TEX11: variants seen among roughly 807,000 people sequenced by gnomAD.
TEX11 encodes the protein testis-expressed protein 11.
A neutral mutation model predicts 84.4 loss-of-function variants in TEX11; 7 were observed. The observed-to-expected ratio is 0.08, with a 90% CI of 0.05 to 0.16. The LOEUF is 0.16. Ranked by LOEUF, TEX11 falls within the 10% of genes least tolerant of loss-of-function variation. The pLI is 1.00. For synonymous variants in TEX11, 264 were observed against 222.8 expected (o/e 1.18, Z -1.64); for missense variants, 551 against 660.5 (o/e 0.83, Z 1.82).
rs200458009 is a variant in TEX11 at position 70,778,623 on chromosome X, TTTTG to T, written c.692+28078_692+28081del. Among the ~76,000 whole-genome samples the T allele has an allele frequency of 4.2e-3, 465 of 109,850 alleles. 2 individuals carry two copies. Among genetic ancestry groups the T allele is most frequent in the African/African-American group, 0.013 (388 of 29,773 alleles). ...ATGCAGGCTACCACACCAGGCTATGTTTTGTTTGTTTGTTTGTTTGTTTTTGTTT... is the reference window on the plus strand; with the variant it reads ...ATGCAGGCTACCACACCAGGCTATGTTTTGTTTGTTTGTTTGTTTTTGTTT... On this transcript the variant is annotated intron_variant, in intron 9 of 29. Coordinates refer to ENST00000374333, the MANE Select transcript of TEX11 (RefSeq NM_031276.3).
chrX:70,711,903 T>C (rs2090438663), intron 13 of TEX11, among the ~76,000 whole-genome samples: 2 of 111,900 alleles, frequency 1.8e-5, no homozygotes, highest in Non-Finnish European at 3.8e-5. Flanking sequence ...GGTTTTCTTC[T>C]AGGGTTTTTA....
chrX:70,750,779 G>A lies in TEX11; in HGVS notation c.693-6560C>T, dbSNP rs1198031961. ...CACTCTGGGCACTGCTGTGGGGTGG[G>A]GGTAGGGGGGAGGGATAGCATTGGG... On this transcript the variant is annotated intron_variant, in intron 9 of 29. Coordinates refer to ENST00000374333, the MANE Select transcript of TEX11 (RefSeq NM_031276.3). Among the ~76,000 whole-genome samples, 3 of 101,616 alleles carry A rather than the reference G, an allele frequency of 3.0e-5. No individual in the cohort carries two copies. The East Asian group carries it at 9.5e-4, about 32-fold the overall frequency. The allele number at this position is 101,616 out of a possible 115,157, so 88.2% of individuals were successfully genotyped here.
chrX:70,843,977 A>T (rs1362591283), intron 7 of TEX11, among the ~76,000 whole-genome samples: 2 of 111,091 alleles, frequency 1.8e-5, no homozygotes, highest in Non-Finnish European at 3.8e-5. Flanking sequence ...GCTGGAGAGG[A>T]TGTGGAGAAA....
At chrX:70,757,056 A>T (rs2090872234) in intron 9 of TEX11, among the ~76,000 whole-genome samples, 1 of 112,224 alleles carries the variant, frequency 8.9e-6, no homozygotes, top group Admixed American at 9.5e-5. Flanking sequence ...AAAGTGAGAA[A>T]ACAAAGTTAG....
intron 8 of TEX11, among the ~76,000 whole-genome samples, chrX:70,829,662 C>A (rs1425539399): frequency 9.2e-6 from 1 of 108,689 alleles, no homozygotes; most frequent in Non-Finnish European, 1.9e-5. Context: ...TAAAGAAAAA[C>A]AAAAAAAGTT....
intron 17 of TEX11, among the ~76,000 whole-genome samples, chrX:70,644,935 A>G (rs2062323177): frequency 1.8e-5 from 2 of 110,040 alleles, no homozygotes; most frequent in South Asian, 3.9e-4. Flanking sequence ...AAAAAATTAA[A>G]AAAAGATAAA....
chrX:70,549,034 C>A (rs2088177433), intron 28 of TEX11, among the ~76,000 whole-genome samples: 1 of 111,291 alleles, frequency 9.0e-6, no homozygotes, highest in Non-Finnish European at 1.9e-5. Flanking sequence ...GAGAGGGAAG[C>A]TTAAGGGGGA....
chrX:70,608,041 A>T (rs1333192209), intron 22 of TEX11, among the ~76,000 whole-genome samples: 2 of 112,208 alleles, frequency 1.8e-5, no homozygotes, highest in African/African-American at 3.2e-5. Flanking sequence ...TTAATTGCTC[A>T]TGCTTACTTA....
intron 13 of TEX11, 43 bp from the exon 14 acceptor site, chrX:70,682,868 C>A: frequency 8.6e-7 from 1 of 1,168,895 alleles, no homozygotes; most frequent in Non-Finnish European, 1.2e-6. Context: ...AACAGAAAAA[C>A]TGGTTATTGA....
intron 21 of TEX11, among the ~76,000 whole-genome samples, chrX:70,609,527 G>C (rs147256344): frequency 1.7e-3 from 195 of 111,997 alleles, no homozygotes; most frequent in African/African-American, 4.6e-3. Context: ...AAATTAGAAG[G>C]GTATCAATAT....
intron 13 of TEX11, among the ~76,000 whole-genome samples, chrX:70,703,617 TC>T (rs2147686273): frequency 8.9e-6 from 1 of 111,752 alleles, no homozygotes; most frequent in East Asian, 2.8e-4. Flanking sequence ...GGTTGGATTT[TC>T]CCATTTGTCC....
At chrX:70,730,172 A>C (rs1274030646) in intron 11 of TEX11, among the ~76,000 whole-genome samples, 1 of 112,058 alleles carries the variant, frequency 8.9e-6, no homozygotes. Context: ...TAAACATGGA[A>C]AGGAACAACC....
intron 16 of TEX11, among the ~76,000 whole-genome samples, chrX:70,655,084 T>C (rs2089850778): frequency 9.1e-6 from 1 of 110,384 alleles, no homozygotes; most frequent in Admixed American, 9.9e-5. Flanking sequence ...ACTAATTTTG[T>C]ATGTATAAGT....
chrX:70,543,138 C>T (rs971385923), intron 28 of TEX11, among the ~76,000 whole-genome samples: 9 of 110,190 alleles, frequency 8.2e-5, no homozygotes, highest in Non-Finnish European at 1.3e-4. Flanking sequence ...GCCGAGATCG[C>T]GCCACTGCAC....
intron 8 of TEX11, among the ~76,000 whole-genome samples, chrX:70,826,862 G>A (rs11796113): frequency 9.0e-6 from 1 of 110,991 alleles, no homozygotes; most frequent in Non-Finnish European, 1.9e-5. Context: ...GCAATTCCTA[G>A]GCAACTCCTA....
chrX:70,771,482 A>G (rs2090971673), intron 9 of TEX11, among the ~76,000 whole-genome samples: 1 of 111,711 alleles, frequency 9.0e-6, no homozygotes, highest in Admixed American at 9.5e-5. Context: ...TTTCCTGTGT[A>G]TACTCTTTGG....
intron 9 of TEX11, among the ~76,000 whole-genome samples, chrX:70,806,066 A>T (rs2091217242): frequency 8.9e-6 from 1 of 112,174 alleles, no homozygotes; most frequent in African/African-American, 3.2e-5. Flanking sequence ...TTGCCAGACA[A>T]CAATAAGTAT....
At chrX:70,789,671 C>T (rs924023669) in intron 9 of TEX11, among the ~76,000 whole-genome samples, 4 of 112,080 alleles carry the variant, frequency 3.6e-5, no homozygotes, top group Non-Finnish European at 7.5e-5. Flanking sequence ...AAAAAGGAAA[C>T]CCTTGTACAT....
chrX:70,563,503 T>C (rs2088405622), intron 25 of TEX11, among the ~76,000 whole-genome samples: 1 of 112,096 alleles, frequency 8.9e-6, no homozygotes, highest in Non-Finnish European at 1.9e-5. Flanking sequence ...AGTGATCAAT[T>C]AGACCTAAGA....
Sources: allele counts gnomAD v4.1 joint callset (sites outside exome capture counted in the v4.1 genomes callset), GRCh38; gene constraint gnomAD v4.1.1; transcripts MANE v1.5; gene names NCBI Gene and HGNC (gene_info 2026-07-23, HGNC 2026-07-21).